The following SLC26A7 variants were observed in gnomAD, a reference collection of about 807,000 sequenced individuals.
The protein encoded by SLC26A7 is solute carrier family 26 member 7, also known as anion exchange transporter.
Under a neutral mutation model 82.5 loss-of-function variants are expected in SLC26A7, and 59 were observed. The observed-to-expected ratio is 0.72, with a 90% CI of 0.58 to 0.89. The LOEUF is 0.89. Among genes scored for constraint, SLC26A7 ranks in the 40% least tolerant of loss-of-function variants. The probability of loss-of-function intolerance (pLI) is 0.00; values close to 1 mark genes in which losing one functional copy is unlikely to be tolerated. For synonymous variants in SLC26A7, 271 were observed against 274.3 expected (o/e 0.99, Z 0.12); for missense variants, 820 against 793.0 (o/e 1.03, Z -0.41).
At chr8:91,329,147 A>G (rs1406575201) in intron 5 of SLC26A7, among the ~76,000 whole-genome samples, 2 of 152,190 alleles carry the variant, frequency 1.3e-5, no homozygotes, top group Admixed American at 6.6e-5. Context: ...ATGATAGTGT[A>G]TTCAGATGAC....
intron 4 of SLC26A7, among the ~76,000 whole-genome samples, chr8:91,304,027 A>G (rs1043510191): frequency 6.6e-6 from 1 of 152,232 alleles, no homozygotes; most frequent in Non-Finnish European, 1.5e-5. Context: ...GAATTATAAC[A>G]TTCTTAAAAT....
chr8:91,331,865 T>C (rs899897672), intron 5 of SLC26A7, among the ~76,000 whole-genome samples: 1 of 152,054 alleles, frequency 6.6e-6, no homozygotes, highest in Non-Finnish European at 1.5e-5. Context: ...AAAGAATGCT[T>C]TCTTATAGTT....
chr8:91,264,252 C>G (rs923075563), intron 2 of SLC26A7, among the ~76,000 whole-genome samples: 3 of 152,100 alleles, frequency 2.0e-5, no homozygotes, highest in Non-Finnish European at 2.9e-5. Context: ...AAACACATGT[C>G]TCCAACAAGC....
chr8:91,316,988 TAAAAAAAAAAAAAAAAAA>T (rs61581659), intron 4 of SLC26A7, among the ~76,000 whole-genome samples: 6 of 15,542 alleles, frequency 3.9e-4, no homozygotes, highest in African/African-American at 7.6e-4. Context: ...ACCCTGTCTC[TAAAAAAAAAAAAAAAAAA>T]AAAAAAAAAA....
intron 15 of SLC26A7, among the ~76,000 whole-genome samples, chr8:91,387,802 A>T (rs1814839477): frequency 1.3e-5 from 2 of 152,222 alleles, no homozygotes; most frequent in Admixed American, 1.3e-4. Context: ...GCTCCTAAAG[A>T]AAGGAATAAG....
At chr8:91,256,551 G>A (rs962530219) in intron 2 of SLC26A7, among the ~76,000 whole-genome samples, 8 of 152,100 alleles carry the variant, frequency 5.3e-5, no homozygotes, top group African/African-American at 1.9e-4. Flanking sequence ...GATGACAGTA[G>A]AGATAATGTG....
At chr8:91,351,705 T>A in intron 9 of SLC26A7, 105 bp from the exon 10 acceptor site, 1 of 761,104 alleles carries the variant, frequency 1.3e-6, no homozygotes, top group Middle Eastern at 2.4e-4. Flanking sequence ...TTTTACTTCT[T>A]CTAATCAAGA....
chr8:91,261,232 C>T (rs892550436), intron 2 of SLC26A7, among the ~76,000 whole-genome samples: 4 of 152,074 alleles, frequency 2.6e-5, no homozygotes, highest in African/African-American at 9.7e-5. Flanking sequence ...TGAAAGAATA[C>T]AGCCTTTTGC....
At chr8:91,342,726 G>C (rs532719805) in intron 8 of SLC26A7, among the ~76,000 whole-genome samples, 1 of 152,330 alleles carries the variant, frequency 6.6e-6, no homozygotes, top group Non-Finnish European at 1.5e-5. Flanking sequence ...TGGGTATACA[G>C]TCTGACATTC....
intron 2 of SLC26A7, among the ~76,000 whole-genome samples, chr8:91,231,109 G>A (rs1221115143): frequency 6.6e-6 from 1 of 152,108 alleles, no homozygotes; most frequent in East Asian, 1.9e-4. Flanking sequence ...ATTTGGAAAG[G>A]GGGCCTGGAT....
At chr8:91,290,173 A>G (rs1811825415) in intron 3 of SLC26A7, among the ~76,000 whole-genome samples, 1 of 152,204 alleles carries the variant, frequency 6.6e-6, no homozygotes, top group South Asian at 2.1e-4. Flanking sequence ...AAAAATATCT[A>G]TAGAGACATT....
At chr8:91,340,857 C>T (rs1472641247) in intron 8 of SLC26A7, among the ~76,000 whole-genome samples, 1 of 151,960 alleles carries the variant, frequency 6.6e-6, no homozygotes, top group Non-Finnish European at 1.5e-5. Context: ...TTATGGATTT[C>T]TAAGTACAAA....
intron 15 of SLC26A7, among the ~76,000 whole-genome samples, chr8:91,373,302 A>G (rs983897956): frequency 1.3e-5 from 2 of 151,934 alleles, no homozygotes; most frequent in Admixed American, 6.6e-5. Flanking sequence ...GTGTTGTTCC[A>G]GTTCTTAAGG....
chr8:91,379,574 T>C (rs1814613256), intron 15 of SLC26A7, among the ~76,000 whole-genome samples: 1 of 152,008 alleles, frequency 6.6e-6, no homozygotes, highest in Non-Finnish European at 1.5e-5. Flanking sequence ...AGGACAGTCT[T>C]GATGATAAAT....
intron 2 of SLC26A7, among the ~76,000 whole-genome samples, chr8:91,235,029 C>T (rs1486875246): frequency 6.6e-6 from 1 of 151,998 alleles, no homozygotes; most frequent in Non-Finnish European, 1.5e-5. Flanking sequence ...AAGTTATCCT[C>T]CCACCTCAGC....
intron 8 of SLC26A7, 41 bp from the exon 9 acceptor site, chr8:91,343,312 T>C: frequency 7.8e-7 from 1 of 1,286,580 alleles, no homozygotes; most frequent in African/African-American, 1.5e-5. Context: ...TAAAAGTCTA[T>C]TGTGATTAAG....
intron 3 of SLC26A7, among the ~76,000 whole-genome samples, chr8:91,291,139 A>G (rs1811857495): frequency 1.3e-5 from 2 of 152,314 alleles, no homozygotes; most frequent in East Asian, 3.9e-4. Context: ...TAATTTATTA[A>G]GAGCTTTACA....
chr8:91,229,253 T>G (rs1470136154), intron 2 of SLC26A7, among the ~76,000 whole-genome samples: 1 of 152,216 alleles, frequency 6.6e-6, no homozygotes, highest in Non-Finnish European at 1.5e-5. Context: ...AACCCCAACA[T>G]GCACAAAGGC....
At chr8:91,345,428 A>G (rs1355851648) in intron 9 of SLC26A7, among the ~76,000 whole-genome samples, 2 of 152,186 alleles carry the variant, frequency 1.3e-5, no homozygotes, top group Non-Finnish European at 2.9e-5. Context: ...CTCTGGCATA[A>G]GTAGACTTGC....
Sources: allele counts gnomAD v4.1 joint callset (sites outside exome capture counted in the v4.1 genomes callset), GRCh38; gene constraint gnomAD v4.1.1; transcripts MANE v1.5; gene names NCBI Gene and HGNC (gene_info 2026-07-23, HGNC 2026-07-21).